NUDCD3: variants seen among roughly 807,000 people sequenced by gnomAD.
NUDCD3 encodes the protein NudC domain containing 3, also known as nudC domain-containing protein 3.
NUDCD3 carries 13 observed loss-of-function variants against 39.7 expected under a neutral mutation model. The observed-to-expected ratio is 0.33, with a 90% CI of 0.21 to 0.52. The LOEUF (loss-of-function observed/expected upper bound fraction) is 0.52, where lower values mean the gene tolerates loss of function less well. Among genes scored for constraint, NUDCD3 ranks in the 20% least tolerant of loss-of-function variants. NUDCD3 has a pLI of 0.96. For synonymous variants in NUDCD3, 175 were observed against 172.4 expected, an observed-to-expected ratio of 1.02 and a Z score of -0.12; for missense variants, 453 against 458.1, an observed-to-expected ratio of 0.99 and a Z score of 0.10.
At chr7:44,432,374 G>A (rs1799380857) in intron 2 of NUDCD3, among the ~76,000 whole-genome samples, 1 of 152,218 alleles carries the variant, frequency 6.6e-6, no homozygotes, top group South Asian at 2.1e-4. Context: ...GACCTAACCT[G>A]AAGAGTTTTG....
intron 3 of NUDCD3, among the ~76,000 whole-genome samples, chr7:44,415,944 A>G (rs1282761843): frequency 1.3e-5 from 2 of 152,254 alleles, no homozygotes; most frequent in Admixed American, 6.5e-5. Context: ...GGCCAGAAAG[A>G]AAGTACAGCT....
At chr7:44,452,739 A>G (rs1306007629) in intron 2 of NUDCD3, among the ~76,000 whole-genome samples, 1 of 152,224 alleles carries the variant, frequency 6.6e-6, no homozygotes, top group Non-Finnish European at 1.5e-5. Flanking sequence ...GGAGTGAGGG[A>G]CTGGCCTCGC....
intron 2 of NUDCD3, among the ~76,000 whole-genome samples, chr7:44,428,271 A>T (rs745591353): frequency 2.6e-4 from 39 of 151,960 alleles, no homozygotes; most frequent in Non-Finnish European, 1.0e-4. Context: ...CCCTGTCTCT[A>T]CTAAAAATAC....
At chr7:44,454,189 A>G (rs1799848113) in intron 2 of NUDCD3, among the ~76,000 whole-genome samples, 1 of 152,120 alleles carries the variant, frequency 6.6e-6, no homozygotes, top group Admixed American at 6.5e-5. Context: ...AATACAAAAA[A>G]TTAGCTGGGC....
At chr7:44,450,767 T>C (rs1799780927) in intron 2 of NUDCD3, among the ~76,000 whole-genome samples, 1 of 152,272 alleles carries the variant, frequency 6.6e-6, no homozygotes, top group South Asian at 2.1e-4. Context: ...GGAATAGCTA[T>C]TCTACTCCTA....
At chr7:44,466,086 ATGCTTGC>A (rs1563185596) in intron 2 of NUDCD3, among the ~76,000 whole-genome samples, 1 of 152,178 alleles carries the variant, frequency 6.6e-6, no homozygotes, top group Non-Finnish European at 1.5e-5. Context: ...TATAAGCCAG[ATGCTTGC>A]TGCCAGGAGC....
At chr7:44,406,013 G>A (rs1019072934) in intron 3 of NUDCD3, among the ~76,000 whole-genome samples, 3 of 152,096 alleles carry the variant, frequency 2.0e-5, no homozygotes, top group Non-Finnish European at 4.4e-5. Context: ...TGCCCAGGCT[G>A]GTCTCGAACT....
chr7:44,402,690 C>A, intron 4 of NUDCD3: 1 of 456,708 alleles, frequency 2.2e-6, no homozygotes, highest in South Asian at 1.5e-5. Flanking sequence ...TCGTGACCTG[C>A]TCCATGATCT....
chr7:44,440,143 G>A (rs991520501), intron 2 of NUDCD3, among the ~76,000 whole-genome samples: 8 of 152,170 alleles, frequency 5.3e-5, no homozygotes, highest in Non-Finnish European at 7.3e-5. Flanking sequence ...GGAGGAACCT[G>A]GCCAACCAGC....
chr7:44,474,182 CA>C (rs11443298), intron 2 of NUDCD3, among the ~76,000 whole-genome samples: 1,323 of 119,762 alleles, frequency 0.011, 18 homozygotes, highest in African/African-American at 0.032. Flanking sequence ...TTTCCAACAT[CA>C]AAAAAAAAAA....
chr7:44,473,046 T>C (rs1164962248), intron 2 of NUDCD3, among the ~76,000 whole-genome samples: 2 of 152,186 alleles, frequency 1.3e-5, no homozygotes, highest in Non-Finnish European at 2.9e-5. Context: ...TTTGTGATGC[T>C]GGCACACGGG....
At position 44,434,749 on chromosome 7, in the gene NUDCD3, C is replaced by T. The variant is rs1799434437; in HGVS notation, c.510-7046G>A. Among the ~76,000 whole-genome samples, 3 of 152,304 alleles carry T rather than the reference C, an allele frequency of 2.0e-5. 1 individual carries two copies. Among genetic ancestry groups the T allele is most frequent in the South Asian group, 4.1e-4 (2 of 4,832 alleles). On this transcript the variant is annotated intron_variant, in intron 2 of 5. Transcript: ENST00000355451. ...AGTTTCCCTGAATGCTCTGTGTGTC[C>T]GTGGTGTCCAACCTGAGGTCAAGCC...
At chr7:44,428,090 GT>G (rs1024390339) in intron 2 of NUDCD3, among the ~76,000 whole-genome samples, 2 of 139,044 alleles carry the variant, frequency 1.4e-5, no homozygotes, top group Admixed American at 7.9e-5. Context: ...TGAGTCCTTG[GT>G]TTCTTATAAA....
intron 2 of NUDCD3, among the ~76,000 whole-genome samples, chr7:44,459,319 C>T (rs1198128492): frequency 6.6e-6 from 1 of 151,818 alleles, no homozygotes; most frequent in East Asian, 1.9e-4. Context: ...CCATCTCGGC[C>T]CCCTGAATAG....
chr7:44,395,552 T>C (rs1465253012), intron 4 of NUDCD3, among the ~76,000 whole-genome samples: 1 of 152,162 alleles, frequency 6.6e-6, no homozygotes, highest in Admixed American at 6.5e-5. Context: ...CACTCCCCAT[T>C]TGCTCTAACC....
chr7:44,489,479 A>G (rs564468004), intron 1 of NUDCD3, among the ~76,000 whole-genome samples: 1 of 152,244 alleles, frequency 6.6e-6, no homozygotes, highest in Non-Finnish European at 1.5e-5. Context: ...CATCTGAAGC[A>G]TTTTATAAAC....
In NUDCD3 at chr7:44,384,269, G is replaced by C. The variant is rs182144640; in HGVS notation, c.*1742C>G. On this transcript the variant is annotated 3_prime_UTR_variant, in exon 6 of 6. Transcript: ENST00000355451. Reference sequence around the variant, plus strand: ...TAGGCAGGAAAGCTCTTGTGGGACAGTGGTGTGCAAATCCTAGGACCTCAA... The same window carrying C: ...TAGGCAGGAAAGCTCTTGTGGGACACTGGTGTGCAAATCCTAGGACCTCAA... 2 of 152,276 alleles carry C rather than the reference G, an allele frequency of 1.3e-5. No homozygotes were observed. The highest frequency in any genetic ancestry group is 4.8e-5 in the African/African-American group (2 of 41,548). The allele number at this position is 152,276 out of a possible 1,614,324, so 9.4% of individuals were successfully genotyped here.
chr7:44,405,812 TAA>T (rs1798809907), intron 3 of NUDCD3, among the ~76,000 whole-genome samples: 2 of 152,202 alleles, frequency 1.3e-5, no homozygotes, highest in South Asian at 4.1e-4. Flanking sequence ...TCTTTTTCTT[TAA>T]GAGACACGGC....
chr7:44,468,362 A>AAAG, intron 2 of NUDCD3: 1 of 1,316,082 alleles, frequency 7.6e-7, no homozygotes. Flanking sequence ...AAAAAAAAAA[A>AAAG]AAAAAAAAGA....
Sources: allele counts gnomAD v4.1 joint callset (sites outside exome capture counted in the v4.1 genomes callset), GRCh38; gene constraint gnomAD v4.1.1; transcripts MANE v1.5; gene names NCBI Gene and HGNC (gene_info 2026-07-23, HGNC 2026-07-21).